Variants in CARD14 observed in about 807,000 individuals in gnomAD.
CARD14 encodes the protein caspase recruitment domain-containing protein 14.
A neutral mutation model predicts 111.5 loss-of-function variants in CARD14; 107 were observed. The ratio of observed to expected loss-of-function variants is 0.96; its 90% CI spans 0.82 to 1.13. The LOEUF (loss-of-function observed/expected upper bound fraction) is 1.13. Among genes scored for constraint, CARD14 ranks in the 50% most tolerant of loss-of-function variants. The pLI, the probability that CARD14 is intolerant of heterozygous loss-of-function variation, is 0.00. For missense variants in CARD14, 1,322 were observed against 1,362.3 expected (o/e 0.97, Z 0.47); for synonymous variants, 617 against 579.6 (o/e 1.06, Z -0.93).
chr17:80,174,575 C>A (rs369334336), intron 2 of CARD14, among the ~76,000 whole-genome samples: 4 of 152,230 alleles, frequency 2.6e-5, no homozygotes, highest in African/African-American at 9.6e-5. Flanking sequence ...TCCCCTACCC[C>A]CTACCCCGAT....
In CARD14 at chr17:80,183,956, C is replaced by T; in HGVS notation, c.393C>T (p.Ala131=). The T allele has an allele frequency of 6.5e-7, 1 of 1,545,012 alleles. No individual in the cohort carries two copies. Among genetic ancestry groups the T allele is most frequent in the Non-Finnish European group, 8.7e-7 (1 of 1,144,294 alleles). ...AGCTGACCGAGTGCCTGGCTGGGGC[C>T]ATCGGCAGCCTGCAGGAGGAGCTGA... The part of the protein sequence containing the change: ...TSKLTECLAG[A]IGSLQEELNQ... The change falls in exon 7 of 24, where the codon GCC becomes GCT. Residue 131 remains alanine, a synonymous_variant. Coordinates refer to ENST00000648509, the MANE Select transcript of CARD14 (RefSeq NM_001366385.1).
intron 4 of CARD14, 100 bp from the exon 5 acceptor site, chr17:80,181,319 T>G: frequency 3.4e-6 from 3 of 876,080 alleles, no homozygotes; most frequent in Non-Finnish European, 5.3e-6. Context: ...GAGTGCGCCT[T>G]GCTAATTTTA....
chr17:80,189,319 T>TG lies in CARD14; in HGVS notation c.844-433dup, dbSNP rs1335003856. 6.6e-6 allele frequency among the ~76,000 whole-genome samples: 1 copy of TG among 152,092 alleles called. No homozygotes were observed. The highest frequency in any genetic ancestry group is 1.5e-5 in the Non-Finnish European group (1 of 67,990). On this transcript the variant is annotated intron_variant, in intron 8 of 23. Transcript: ENST00000648509. The surrounding 1 kb of genome is among the most constrained non-coding windows in gnomAD (Gnocchi z 4.7). Reference sequence around the variant, plus strand: ...CCCCTCTCAGTAGATTGGTATTTATTGAGATATTCCTTCCATAAGCATTCA... The same window carrying TG: ...CCCCTCTCAGTAGATTGGTATTTATTGGAGATATTCCTTCCATAAGCATTCA...
intron 7 of CARD14, among the ~76,000 whole-genome samples, chr17:80,186,187 C>T (rs1287353005): frequency 3.9e-5 from 6 of 152,318 alleles, no homozygotes; most frequent in South Asian, 4.1e-4. Flanking sequence ...CTGCTGCCCA[C>T]GGCCTCTGCC....
chr17:80,193,501 A>G (rs971232744), intron 12 of CARD14, among the ~76,000 whole-genome samples: 6 of 152,158 alleles, frequency 3.9e-5, no homozygotes, highest in African/African-American at 1.4e-4. Context: ...CAAAGTAAAG[A>G]GGTGGTCCCA....
rs925864994 is a variant in CARD14, at chr17:80,179,487, G to A, written c.-21+186G>A. Among the ~76,000 whole-genome samples the A allele has an allele frequency of 2.0e-5, 3 of 152,182 alleles. No homozygotes were observed. In the South Asian group the frequency reaches 6.2e-4, roughly 32 times the overall value. On this transcript the variant is annotated intron_variant, in intron 4 of 23. Transcript: ENST00000648509. ...GTTGATGTAAAGCTGCTGTCTGCAC[G>A]AAGTATCATGCAAAGATGCTATGTA...
chr17:80,192,650 C>A, intron 12 of CARD14, 31 bp downstream of exon 12: 1 of 1,549,480 alleles, frequency 6.5e-7, no homozygotes, highest in Non-Finnish European at 8.9e-7. Flanking sequence ...TCCCTCACTG[C>A]CTTGACCCTC....
At position 80,198,529 on chromosome 17, in the gene CARD14, C is replaced by A. The variant is rs73429414; in HGVS notation, c.1789C>A (p.Arg597=). Residue 597 remains arginine (R), a synonymous_variant, in exon 16 of 24, where the codon CGG becomes AGG. Transcript: ENST00000648509. This position sits in a 1 kb window ranked among gnomAD's most constrained non-coding sequence, Gnocchi z 7.5. ...GGNLTGIFIH[R]VTPGSAADQM... is the part of the protein sequence containing the mutation. Reference sequence around the variant, plus strand: ...GAACCTCACGGGCATCTTCATCCACCGGGTCACCCCGGGCTCGGCGGCGGA... The same window carrying A: ...GAACCTCACGGGCATCTTCATCCACAGGGTCACCCCGGGCTCGGCGGCGGA... 6.2e-7 allele frequency: 1 copy of A among 1,613,262 alleles called. No homozygotes were observed. Among genetic ancestry groups the A allele is most frequent in the Non-Finnish European group, 8.5e-7 (1 of 1,179,924 alleles).
In CARD14 at chr17:80,208,467, C is replaced by G; in HGVS notation, c.*122C>G. The G allele has an allele frequency of 1.1e-6, 1 of 926,890 alleles. No individual in the cohort carries two copies. Among genetic ancestry groups the G allele is most frequent in the South Asian group, 1.9e-5 (1 of 53,204 alleles). The allele number at this position is 926,890 out of a possible 1,614,324, so 57.4% of individuals were successfully genotyped here. A position where few individuals can be genotyped will look rare whatever the true frequency, so the allele number is the denominator to read the frequency against. ...CCTTGGCACATGAGGCCGGCTCTCC[C>G]CACTGGCTGGGGTCTAACCTTGAAC... On this transcript the variant is annotated 3_prime_UTR_variant, in exon 24 of 24. Coordinates refer to ENST00000648509, the MANE Select transcript of CARD14 (RefSeq NM_001366385.1).
rs1380332916 is a variant in CARD14, at chr17:80,203,385, C to T, written c.2220-437C>T. The T allele has an allele frequency of 1.2e-5, 2 of 171,980 alleles. No homozygotes were observed. Among genetic ancestry groups the T allele is most frequent in the African/African-American group, 4.8e-5 (2 of 42,048 alleles). 10.7% of individuals were successfully genotyped at this position (171,980 alleles called of 1,614,324 possible). A position where few individuals can be genotyped will look rare whatever the true frequency, so the allele number is the denominator to read the frequency against. ...AAGCAGGAGTGTTGAGCTCAGCACC[C>T]CCATCACTCATTGCAAACTCAAGTC... On this transcript the variant is annotated intron_variant, in intron 18 of 23. Transcript: ENST00000648509. The surrounding 1 kb of genome is among the most constrained non-coding windows in gnomAD (Gnocchi z 4.6).
At chr17:80,197,965 G>A in intron 14 of CARD14, 134 bp from the exon 15 acceptor site, 1 of 791,570 alleles carries the variant, frequency 1.3e-6, no homozygotes, top group South Asian at 1.5e-5. Flanking sequence ...TGAGGTTACA[G>A]GAGGTTACAG....
At chr17:80,178,855 C>G (rs767399186) in intron 3 of CARD14, among the ~76,000 whole-genome samples, 200 bp downstream of exon 3, 2 of 152,216 alleles carry the variant, frequency 1.3e-5, no homozygotes. Flanking sequence ...AAGTGATTGT[C>G]CTGCCTCAGC....
At position 80,205,543 on chromosome 17, in the gene CARD14, A is replaced by G. The variant is rs1474778510; in HGVS notation, c.2582A>G (p.Gln861Arg). The stretch of plus-strand genomic sequence containing the variant: ...ATGTCACCTGTAGAGTACTTGAGCC[A>G]GGAGGAGTATGAGGCCTGGAGCCAG... ...FKKCLAEYLS[Q>R]EEYEAWSQRG... is the part of the protein sequence containing the mutation. Residue 861 changes from glutamine to arginine, a missense_variant, in exon 22 of 24, where the codon CAG becomes CGG. Physicochemically the swap from Gln to Arg is conservative, Grantham distance 43 (BLOSUM62 1). Transcript: ENST00000648509. 1.9e-6 allele frequency: 3 copies of G among 1,586,292 alleles called. No homozygotes were observed. Among genetic ancestry groups the G allele is most frequent in the African/African-American group, 1.3e-5 (1 of 74,494 alleles).
At chr17:80,207,800 A>C (rs1287808060) in intron 23 of CARD14, 1 of 277,326 alleles carries the variant, frequency 3.6e-6, no homozygotes, top group African/African-American at 2.2e-5. Context: ...ACCCGGCCTC[A>C]GCTCCACTGA....
chr17:80,195,469 G>A lies in CARD14; in HGVS notation c.1500-89G>A. The stretch of plus-strand genomic sequence containing the variant: ...CTCCTGCCCTCGAAGCCCCAGAGCT[G>A]GCAGGTGCTGGGGGCCAGTGCTTGG... On this transcript the variant is annotated intron_variant, in intron 13 of 23. Transcript: ENST00000648509. This position sits in a 1 kb window ranked among gnomAD's most constrained non-coding sequence, Gnocchi z 4.7. The A allele has an allele frequency of 6.7e-7, 1 of 1,501,602 alleles. No homozygotes were observed. The highest frequency in any genetic ancestry group is 9.0e-7 in the Non-Finnish European group (1 of 1,112,992). The allele number at this position is 1,501,602 out of a possible 1,614,324, so 93.0% of individuals were successfully genotyped here.
chr17:80,189,950 A>G lies in CARD14; in HGVS notation c.963+78A>G, dbSNP rs1187034564. ...GTGCGGACAGGTCTGTGGGGAAGCCAGATTCCTTCATCCACGCCGAGCTCA... is the reference window on the plus strand; with the variant it reads ...GTGCGGACAGGTCTGTGGGGAAGCCGGATTCCTTCATCCACGCCGAGCTCA... On this transcript the variant is annotated intron_variant, in intron 9 of 23. Transcript: ENST00000648509. The surrounding 1 kb of genome is among the most constrained non-coding windows in gnomAD (Gnocchi z 4.7). The G allele has an allele frequency of 6.6e-7, 1 of 1,512,512 alleles. No homozygotes were observed. The highest frequency in any genetic ancestry group is 8.8e-7 in the Non-Finnish European group (1 of 1,142,452). 93.7% of individuals were successfully genotyped at this position (1,512,512 alleles called of 1,614,324 possible).
chr17:80,192,592 C>A lies in CARD14; in HGVS notation c.1329C>A (p.Ser443Arg), dbSNP rs763493440. The change falls in exon 12 of 24, where the codon AGC becomes AGA. Residue 443 changes from serine (S) to arginine (R), a missense_variant. Transcript: ENST00000648509. ...RMHAICPRDD[S>R]DCSLVSSTES... Reference sequence around the variant, plus strand: ...ATGCCATCTGCCCCAGAGACGACAGCGACTGCAGCCTCGTCAGCTCCACAG... The same window carrying A: ...ATGCCATCTGCCCCAGAGACGACAGAGACTGCAGCCTCGTCAGCTCCACAG... The A allele has an allele frequency of 1.2e-6, 2 of 1,613,042 alleles. No homozygotes were observed. The highest frequency in any genetic ancestry group is 1.1e-5 in the South Asian group (1 of 91,026).
In CARD14 at chr17:80,204,284, G is replaced by T. The variant is rs1168175634; in HGVS notation, c.2341G>T (p.Ala781Ser). 3.1e-6 allele frequency: 5 copies of T among 1,602,078 alleles called. No homozygotes were observed. Among genetic ancestry groups the T allele is most frequent in the Non-Finnish European group, 4.3e-6 (5 of 1,171,380 alleles). Residue 781 changes from alanine to serine, a missense_variant, in exon 20 of 24, where the codon GCC becomes TCC. By Grantham distance (99) the Ala-to-Ser change is moderately conservative. Transcript: ENST00000648509. ...VRIVSMDKAK[A>S]SPLRLSFDRG... ...CATCGTCAGTATGGACAAAGCCAAGGCCAGCCCTCTGCGTTTGTCCTTTGA... is the reference window on the plus strand; with the variant it reads ...CATCGTCAGTATGGACAAAGCCAAGTCCAGCCCTCTGCGTTTGTCCTTTGA...
In CARD14 at chr17:80,198,519, C is replaced by A. The variant is rs766080437; in HGVS notation, c.1779C>A (p.Ile593=). Residue 593 remains isoleucine, a synonymous_variant, in exon 16 of 24, where the codon ATC becomes ATA. Transcript: ENST00000648509. The surrounding 1 kb of genome is among the most constrained non-coding windows in gnomAD (Gnocchi z 7.5). ...TCATCGGCGGGAACCTCACGGGCATCTTCATCCACCGGGTCACCCCGGGCT... is the reference window on the plus strand; with the variant it reads ...TCATCGGCGGGAACCTCACGGGCATATTCATCCACCGGGTCACCCCGGGCT... ...ISVIGGNLTG[I]FIHRVTPGSA... 1.9e-6 allele frequency: 3 copies of A among 1,613,284 alleles called. No homozygotes were observed. Among genetic ancestry groups the A allele is most frequent in the East Asian group, 4.5e-5 (2 of 44,882 alleles).
Sources: allele counts gnomAD v4.1 joint callset (sites outside exome capture counted in the v4.1 genomes callset), GRCh38; gene constraint gnomAD v4.1.1; non-coding constraint Gnocchi (gnomAD v3.1); transcripts MANE v1.5; gene names NCBI Gene and HGNC (gene_info 2026-07-23, HGNC 2026-07-21).